FER: variants seen among roughly 807,000 people sequenced by gnomAD.
FER encodes tyrosine-protein kinase Fer.
In FER, 63 loss-of-function variants were observed where a neutral mutation model predicts 111.0. That is an observed-to-expected ratio of 0.57 (90% CI 0.46 to 0.70). FER has a LOEUF of 0.70. Among genes scored for constraint, FER ranks in the 30% least tolerant of loss-of-function variants. The probability of loss-of-function intolerance (pLI) is 0.00; values close to 1 mark genes in which losing one functional copy is unlikely to be tolerated. For synonymous variants in FER, 327 were observed against 313.9 expected (o/e 1.04, Z -0.44); for missense variants, 914 against 954.0 (o/e 0.96, Z 0.55).
chr5:108,955,752 T>C (rs1426581603), intron 12 of FER, among the ~76,000 whole-genome samples: 1 of 151,854 alleles, frequency 6.6e-6, no homozygotes, highest in Non-Finnish European at 1.5e-5. Context: ...GTGATACTAA[T>C]TGCCTTACAG....
intron 1 of FER, among the ~76,000 whole-genome samples, chr5:108,754,357 T>C (rs1750835458): frequency 6.8e-6 from 1 of 146,376 alleles, no homozygotes; most frequent in Non-Finnish European, 1.5e-5. Context: ...CATTGAGCTA[T>C]GATTGCAGCA....
intron 2 of FER, among the ~76,000 whole-genome samples, chr5:108,794,082 A>T (rs1181790960): frequency 6.6e-6 from 1 of 152,142 alleles, no homozygotes; most frequent in Non-Finnish European, 1.5e-5. Flanking sequence ...CATTATTATT[A>T]TAATGTGATA....
At chr5:108,891,839 G>A (rs545699490) in intron 9 of FER, among the ~76,000 whole-genome samples, 10 of 151,722 alleles carry the variant, frequency 6.6e-5, no homozygotes, top group South Asian at 2.1e-4. Context: ...AACAGGCCCC[G>A]GTGTGTGATG....
Position 108,792,773 on chromosome 5 carries a change from A to G in FER, c.-59-5351A>G, listed in dbSNP as rs546949260. 1.3e-4 allele frequency among the ~76,000 whole-genome samples: 19 copies of G among 151,880 alleles called. No homozygotes were observed. The South Asian group carries it at 2.3e-3, about 18-fold the overall frequency. ...TCTAATTTCATTTTTGGATTGTTCA[A>G]TGATGGTATCTAGAAATATAATTTA... On this transcript the variant is annotated intron_variant, in intron 2 of 19. Coordinates refer to ENST00000281092, the MANE Select transcript of FER (RefSeq NM_005246.4).
rs73778391 is a variant in FER at position 108,999,594 on chromosome 5, C to T, written c.1657-37828C>T. ...TACCAAGAAGAAAGGGTCTGCATGT[C>T]GTTAATTTTATTAGATGTTGCTAAG... is the stretch of plus-strand genomic sequence containing the variant. On this transcript the variant is annotated intron_variant, in intron 13 of 19. Coordinates refer to ENST00000281092, the MANE Select transcript of FER (RefSeq NM_005246.4). Among the ~76,000 whole-genome samples, 259 of 152,010 alleles carry T rather than the reference C, an allele frequency of 1.7e-3. 1 individual carries two copies. The highest frequency in any genetic ancestry group is 5.9e-3 in the African/African-American group (246 of 41,488).
In FER at chr5:108,765,493, C is replaced by T. The variant is rs79068593; in HGVS notation, c.-205-2600C>T. Among the ~76,000 whole-genome samples, 133 of 152,198 alleles carry T rather than the reference C, an allele frequency of 8.7e-4. 2 individuals are homozygous for T. In the East Asian group the frequency reaches 0.022, roughly 25 times the overall value. On this transcript the variant is annotated intron_variant, in intron 1 of 19. Coordinates refer to ENST00000281092, the MANE Select transcript of FER (RefSeq NM_005246.4). ...TGAGTACAGTGATGTGATCACAGCT[C>T]ATTGCAGGCTTGACCTCCTAGGCTC...
rs374767914 is a variant in FER, at chr5:108,924,699, G to A, written c.1237-21431G>A. ...TGAAATGTCCTCATTGTAAGGATCA[G>A]CTGGAGTCTGGTTTCGGCTCCCAAT... is the stretch of plus-strand genomic sequence containing the variant. On this transcript the variant is annotated intron_variant, in intron 10 of 19. Transcript: ENST00000281092. 1.9e-4 allele frequency: 239 copies of A among 1,232,084 alleles called. 2 individuals are homozygous for A. In the South Asian group the frequency reaches 8.8e-3, roughly 45 times the overall value. The allele number at this position is 1,232,084 out of a possible 1,614,324, so 76.3% of individuals were successfully genotyped here. A position where few individuals can be genotyped will look rare whatever the true frequency, so the allele number is the denominator to read the frequency against.
At chr5:109,126,236 A>T (rs1751700819) in intron 17 of FER, among the ~76,000 whole-genome samples, 1 of 152,308 alleles carries the variant, frequency 6.6e-6, no homozygotes, top group East Asian at 1.9e-4. Flanking sequence ...GCACCTGTTC[A>T]TCTAGTCCCT....
intron 17 of FER, among the ~76,000 whole-genome samples, chr5:109,170,829 GA>G (rs1757023951): frequency 6.6e-6 from 1 of 152,104 alleles, no homozygotes; most frequent in Non-Finnish European, 1.5e-5. Flanking sequence ...TGTCAACATG[GA>G]AAGCTCTTTG....
At chr5:108,986,743 A>G (rs537971249) in intron 13 of FER, among the ~76,000 whole-genome samples, 2 of 152,250 alleles carry the variant, frequency 1.3e-5, no homozygotes, top group South Asian at 2.1e-4. Context: ...TTTGTTGAAG[A>G]TCAGTTGACT....
chr5:109,151,860 G>A (rs778256494), intron 17 of FER, among the ~76,000 whole-genome samples: 22 of 151,984 alleles, frequency 1.4e-4, no homozygotes, highest in African/African-American at 1.7e-4. Flanking sequence ...CTCATAACTC[G>A]CAAAATCAGA....
At chr5:109,054,386 G>A (rs1235249223) in intron 16 of FER, among the ~76,000 whole-genome samples, 1 of 152,084 alleles carries the variant, frequency 6.6e-6, no homozygotes, top group Non-Finnish European at 1.5e-5. Context: ...ATGATGTCAT[G>A]CATGTTTTCA....
At chr5:108,993,521 A>C (rs1763549052) in intron 13 of FER, among the ~76,000 whole-genome samples, 1 of 150,936 alleles carries the variant, frequency 6.6e-6, no homozygotes, top group African/African-American at 2.5e-5. Flanking sequence ...CATCAGAGGG[A>C]GACTGTGGAA....
In FER at chr5:109,175,710, A is replaced by G. The variant is rs147378341; in HGVS notation, c.2049-5037A>G. Among the ~76,000 whole-genome samples the G allele has an allele frequency of 5.1e-3, 783 of 152,338 alleles. 4 individuals are homozygous for G. The highest frequency in any genetic ancestry group is 0.018 in the African/African-American group (750 of 41,576). ...TTGCAAACTATTCATCTGACAAGGG[A>G]CTAAAATCCAGAATATCCAAGAAAC... On this transcript the variant is annotated intron_variant, in intron 17 of 19. Transcript: ENST00000281092.
intron 16 of FER, among the ~76,000 whole-genome samples, chr5:109,088,742 G>A (rs549005116): frequency 2.6e-5 from 4 of 152,022 alleles, no homozygotes; most frequent in Non-Finnish European, 5.9e-5. Context: ...GGGCTAATTT[G>A]TTTATTTCTG....
intron 17 of FER, among the ~76,000 whole-genome samples, chr5:109,120,984 A>G (rs1055548640): frequency 6.6e-6 from 1 of 152,000 alleles, no homozygotes; most frequent in East Asian, 1.9e-4. Context: ...GTTAGTTCTC[A>G]TAGTTTTTGG....
At chr5:109,179,297 T>A (rs530024030) in intron 17 of FER, among the ~76,000 whole-genome samples, 6 of 152,284 alleles carry the variant, frequency 3.9e-5, no homozygotes, top group African/African-American at 1.4e-4. Flanking sequence ...TAGAAAAAAA[T>A]TTAGCCTTTC....
At chr5:109,122,139 A>G (rs558799967) in intron 17 of FER, among the ~76,000 whole-genome samples, 1 of 152,016 alleles carries the variant, frequency 6.6e-6, no homozygotes, top group African/African-American at 2.4e-5. Context: ...TTACTTTTCT[A>G]GTTCTTTCAG....
chr5:108,785,309 A>G, intron 2 of FER: 1 of 554,434 alleles, frequency 1.8e-6, no homozygotes, highest in Admixed American at 2.2e-5. Context: ...TGGGGGCATT[A>G]TCAACACCCT....
Sources: gnomAD v4.1 joint callset for allele counts (sites outside exome capture counted in the v4.1 genomes callset) on GRCh38, gnomAD v4.1.1 for gene constraint, MANE v1.5 for transcripts, NCBI Gene and HGNC (gene_info 2026-07-23, HGNC 2026-07-21) for gene names.